Variants in STIMATE observed in about 807,000 individuals in gnomAD.
STIMATE encodes store-operated calcium entry regulator STIMATE.
A neutral mutation model predicts 36.7 loss-of-function variants in STIMATE; 15 were observed. The observed-to-expected ratio is 0.41, with a 90% CI of 0.27 to 0.63. The LOEUF is 0.63. STIMATE is among the 20% of genes least tolerant of loss of function. The pLI, the probability that STIMATE is intolerant of heterozygous loss-of-function variation, is 0.32. For synonymous variants in STIMATE, 163 were observed against 162.3 expected (o/e 1.00, Z -0.03); for missense variants, 305 against 397.3 (o/e 0.77, Z 1.98).
chr3:52,861,261 A>T (rs931661037), intron 1 of STIMATE, among the ~76,000 whole-genome samples: 2 of 152,164 alleles, frequency 1.3e-5, no homozygotes, highest in Non-Finnish European at 2.9e-5. Context: ...GAGAGGGGAG[A>T]AGGGGAAGGT....
intron 1 of STIMATE, among the ~76,000 whole-genome samples, chr3:52,859,055 G>T (rs1309261025): frequency 6.6e-6 from 1 of 151,830 alleles, no homozygotes; most frequent in East Asian, 1.9e-4. Context: ...CCAGCTATTT[G>T]GGAGGCAGAG....
intron 1 of STIMATE, among the ~76,000 whole-genome samples, chr3:52,891,475 C>A (rs1164298224): frequency 6.6e-6 from 1 of 152,228 alleles, no homozygotes; most frequent in African/African-American, 2.4e-5. Flanking sequence ...CGACTTGAAG[C>A]AGGTTCATCA....
At chr3:52,845,392 C>T (rs557822246) in intron 4 of STIMATE, among the ~76,000 whole-genome samples, 18 of 152,188 alleles carry the variant, frequency 1.2e-4, no homozygotes, top group Non-Finnish European at 2.4e-4. Context: ...AGGACCCAGT[C>T]GCTTTGTTTG....
rs1471396576 is a variant in STIMATE at position 52,842,805 on chromosome 3, C to T, written c.768+6G>A. The stretch of plus-strand genomic sequence containing the variant: ...TTGGGCCCTTGGAGAGTCAGGGAGG[C>T]CCTACCTCAGACTCAGACTCCTCGT... On this transcript the variant is annotated splice_donor_region_variant and intron_variant, in intron 7 of 7. Transcript: ENST00000355083. The T allele has an allele frequency of 4.3e-6, 7 of 1,614,142 alleles. No homozygotes were observed. Among genetic ancestry groups the T allele is most frequent in the Middle Eastern group, 3.3e-4 (2 of 6,008 alleles).
chr3:52,895,839 G>C, intron 1 of STIMATE: 1 of 1,250,660 alleles, frequency 8.0e-7, no homozygotes, highest in South Asian at 1.3e-5. Context: ...AGGCTGTCTG[G>C]AGGACAGAGA....
At chr3:52,857,460 T>C (rs1340984874) in intron 1 of STIMATE, among the ~76,000 whole-genome samples, 1 of 152,128 alleles carries the variant, frequency 6.6e-6, no homozygotes, top group Non-Finnish European at 1.5e-5. Flanking sequence ...ACAAAACTGT[T>C]TGGAGGGAAC....
chr3:52,854,991 G>A (rs982120280), intron 2 of STIMATE, among the ~76,000 whole-genome samples: 6 of 152,212 alleles, frequency 3.9e-5, no homozygotes, highest in Non-Finnish European at 7.3e-5. Flanking sequence ...TTTGGAGAGA[G>A]GAGCGTTTAT....
chr3:52,877,547 C>G (rs755901646), intron 1 of STIMATE, among the ~76,000 whole-genome samples: 3 of 152,240 alleles, frequency 2.0e-5, no homozygotes, highest in Non-Finnish European at 4.4e-5. Flanking sequence ...CTGGCTCAGC[C>G]TCTGACCTGC....
At chr3:52,893,438 A>G (rs1429383115) in intron 1 of STIMATE, among the ~76,000 whole-genome samples, 1 of 151,930 alleles carries the variant, frequency 6.6e-6, no homozygotes, top group Non-Finnish European at 1.5e-5. Context: ...AAATCTAGGT[A>G]GAGGGCAGAC....
rs556306019 is a variant in STIMATE at position 52,842,773 on chromosome 3, C to T, written c.768+38G>A. 80 of 1,612,668 alleles carry T rather than the reference C, an allele frequency of 5.0e-5. 1 individual carries two copies. In the Middle Eastern group the frequency reaches 8.8e-4, roughly 18 times the overall value. ...CAGAGACCCCCTTGGGCCAGCGATA[C>T]GACGGCTTGGGCCCTTGGAGAGTCA... is the stretch of plus-strand genomic sequence containing the variant. On this transcript the variant is annotated intron_variant, in intron 7 of 7. Transcript: ENST00000355083.
intron 2 of STIMATE, among the ~76,000 whole-genome samples, chr3:52,854,080 G>A (rs1701052605): frequency 7.3e-6 from 1 of 137,282 alleles, no homozygotes; most frequent in Non-Finnish European, 1.6e-5. Flanking sequence ...GTCTATTTAA[G>A]AAATATATGT....
At chr3:52,893,153 G>A (rs1701808433) in intron 1 of STIMATE, among the ~76,000 whole-genome samples, 1 of 152,078 alleles carries the variant, frequency 6.6e-6, no homozygotes, top group African/African-American at 2.4e-5. Flanking sequence ...TTGGATCTTA[G>A]CTTTTAAAAA....
chr3:52,858,605 C>T (rs1701148642), intron 1 of STIMATE, among the ~76,000 whole-genome samples: 2 of 152,104 alleles, frequency 1.3e-5, no homozygotes, highest in Non-Finnish European at 1.5e-5. Context: ...CTGGGAAAGA[C>T]TGTCTCAAAA....
At chr3:52,862,391 A>T (rs960177806) in intron 1 of STIMATE, among the ~76,000 whole-genome samples, 1 of 152,200 alleles carries the variant, frequency 6.6e-6, no homozygotes, top group Non-Finnish European at 1.5e-5. Context: ...ACCAGCACTG[A>T]GCACTTACTC....
intron 1 of STIMATE, among the ~76,000 whole-genome samples, chr3:52,859,531 A>AAAAAAAAAAATT (rs748928249): frequency 3.7e-4 from 7 of 18,826 alleles, no homozygotes; most frequent in Non-Finnish European, 5.9e-4. Context: ...AAAAAAAAAA[A>AAAAAAAAAAATT]TTTTTTTTTT....
chr3:52,894,998 G>A (rs73084914), intron 1 of STIMATE, among the ~76,000 whole-genome samples: 10,559 of 152,304 alleles, frequency 0.069, 474 homozygotes, highest in Middle Eastern at 0.095. Flanking sequence ...TCAGGGCTGC[G>A]AGGGGGACCC....
intron 1 of STIMATE, among the ~76,000 whole-genome samples, chr3:52,882,385 A>G (rs556737129): frequency 5.6e-4 from 86 of 152,264 alleles, no homozygotes; most frequent in Middle Eastern, 6.8e-3. Flanking sequence ...GGGACTATAC[A>G]AGGGTGTGAA....
At chr3:52,876,454 AAT>A (rs1425296494) in intron 1 of STIMATE, among the ~76,000 whole-genome samples, 4 of 152,202 alleles carry the variant, frequency 2.6e-5, no homozygotes, top group African/African-American at 9.7e-5. Flanking sequence ...AGAACACTTA[AAT>A]CTACAGTTGG....
intron 1 of STIMATE, among the ~76,000 whole-genome samples, chr3:52,857,119 A>T (rs1460569865): frequency 6.6e-6 from 1 of 152,222 alleles, no homozygotes; most frequent in Non-Finnish European, 1.5e-5. Flanking sequence ...ATGGTAGCCA[A>T]GACAGTAAAC....
Sources: allele counts gnomAD v4.1 joint callset (sites outside exome capture counted in the v4.1 genomes callset), GRCh38; gene constraint gnomAD v4.1.1; transcripts MANE v1.5; gene names NCBI Gene and HGNC (gene_info 2026-07-23, HGNC 2026-07-21).